Variants in HEBP2 observed in about 807,000 individuals in gnomAD.
HEBP2 encodes the protein heme binding protein 2.
In HEBP2, 27 loss-of-function variants were observed where a neutral mutation model predicts 23.1. The ratio of observed to expected loss-of-function variants is 1.17; its 90% CI spans 0.86 to 1.61. HEBP2 has a LOEUF of 1.61. Ranked by LOEUF, HEBP2 falls within the 40% of genes most tolerant of loss-of-function variation. The pLI is 0.00. For missense variants in HEBP2, 245 were observed against 253.8 expected (o/e 0.97, Z 0.24); for synonymous variants, 99 against 95.1 (o/e 1.04, Z -0.24).
At chr6:138,410,149 A>C (rs1774719926) in intron 3 of HEBP2, among the ~76,000 whole-genome samples, 1 of 152,156 alleles carries the variant, frequency 6.6e-6, no homozygotes. Context: ...TCTTCTAAGT[A>C]ATAGTGGCTT....
rs575629825 is a variant in HEBP2, at chr6:138,404,246, G to A, written c.-250G>A. On this transcript the variant is annotated 5_prime_UTR_variant, in exon 1 of 4. Coordinates refer to ENST00000607197, the MANE Select transcript of HEBP2 (RefSeq NM_014320.3). ...CTCCCTGTCGCCGCGGAGGGGCGGG[G>A]GCAGGACGCGCAACTCCGGCCGGAG... 3.1e-6 allele frequency: 1 copy of A among 319,240 alleles called. No individual in the cohort carries two copies. Among genetic ancestry groups the A allele is most frequent in the South Asian group, 1.6e-4 (1 of 6,354 alleles). The allele number at this position is 319,240 out of a possible 1,614,324, so 19.8% of individuals were successfully genotyped here.
intron 1 of HEBP2, 132 bp downstream of exon 1, chr6:138,404,729 C>T (rs920207481): frequency 3.7e-6 from 2 of 536,510 alleles, no homozygotes; most frequent in Non-Finnish European, 5.8e-6. Context: ...CACTATGCTA[C>T]GCAAACGAGA....
At position 138,416,904 on chromosome 6, in the gene HEBP2, T is replaced by C. The variant is rs1049447965; in HGVS notation, c.*3826T>C. The stretch of plus-strand genomic sequence containing the variant: ...GTTTTCTGACCTAGAGCTCATTAAT[T>C]GCAGAGGTGACTGTATCCTAGGGGA... On this transcript the variant is annotated 3_prime_UTR_variant, in exon 4 of 4. Coordinates refer to ENST00000607197, the MANE Select transcript of HEBP2 (RefSeq NM_014320.3). 2.1e-4 allele frequency: 32 copies of C among 152,200 alleles called. No individual in the cohort carries two copies. Among genetic ancestry groups the C allele is most frequent in the African/African-American group, 6.3e-4 (26 of 41,444 alleles). 9.4% of individuals were successfully genotyped at this position (152,200 alleles called of 1,614,324 possible). A position where few individuals can be genotyped will look rare whatever the true frequency, so the allele number is the denominator to read the frequency against.
At chr6:138,409,271 C>G (rs955932586) in intron 3 of HEBP2, among the ~76,000 whole-genome samples, 8 of 152,210 alleles carry the variant, frequency 5.3e-5, no homozygotes, top group Non-Finnish European at 8.8e-5. Flanking sequence ...TTATCTCAGC[C>G]TCCCAAAGCA....
chr6:138,408,003 C>T (rs975782038), intron 3 of HEBP2, among the ~76,000 whole-genome samples: 1 of 152,204 alleles, frequency 6.6e-6, no homozygotes, highest in Non-Finnish European at 1.5e-5. Flanking sequence ...ATTGTTCTGC[C>T]CTCCCCAGGC....
rs1774913999 is a variant in HEBP2 at position 138,420,865 on chromosome 6, C to G, written c.*7787C>G. On this transcript the variant is annotated 3_prime_UTR_variant, in exon 4 of 4. Coordinates refer to ENST00000607197, the MANE Select transcript of HEBP2 (RefSeq NM_014320.3). ...CTGTCTACTTCTTGAAGAATCTAAA[C>G]TGGCAGTAGGATCATGCCCCTCACT... 1 of 152,340 alleles carries G rather than the reference C, an allele frequency of 6.6e-6. No individual in the cohort carries two copies. The highest frequency in any genetic ancestry group is 2.4e-5 in the African/African-American group (1 of 41,580). 9.4% of individuals were successfully genotyped at this position (152,340 alleles called of 1,614,324 possible). A position where few individuals can be genotyped will look rare whatever the true frequency, so the allele number is the denominator to read the frequency against.
chr6:138,413,335 A>G lies in HEBP2; in HGVS notation c.*257A>G. Reference sequence around the variant, plus strand: ...TTCTGTGAGGATCTAGGGAAATTTCATGTCACTTCCCTCCTTCACTGCATC... The same window carrying G: ...TTCTGTGAGGATCTAGGGAAATTTCGTGTCACTTCCCTCCTTCACTGCATC... On this transcript the variant is annotated 3_prime_UTR_variant, in exon 4 of 4. Coordinates refer to ENST00000607197, the MANE Select transcript of HEBP2 (RefSeq NM_014320.3). 1 of 358,588 alleles carries G rather than the reference A, an allele frequency of 2.8e-6. No homozygotes were observed. The highest frequency in any genetic ancestry group is 4.6e-5 in the South Asian group (1 of 21,936). The allele number at this position is 358,588 out of a possible 1,614,324, so 22.2% of individuals were successfully genotyped here. A position where few individuals can be genotyped will look rare whatever the true frequency, so the allele number is the denominator to read the frequency against.
At chr6:138,404,049 C>T (rs749473107), upstream of HEBP2, among the ~76,000 whole-genome samples, 1 of 151,918 alleles carries the variant, frequency 6.6e-6, no homozygotes, top group Non-Finnish European at 1.5e-5. Flanking sequence ...GGCTCAGCGC[C>T]CGCGGTTCCC....
Position 138,420,282 on chromosome 6 carries a change from C to G in HEBP2, c.*7204C>G, listed in dbSNP as rs1031130420. 7.2e-5 allele frequency: 11 copies of G among 152,028 alleles called. No individual in the cohort carries two copies. The highest frequency in any genetic ancestry group is 6.6e-4 in the Admixed American group (10 of 15,252). The allele number at this position is 152,028 out of a possible 1,614,324, so 9.4% of individuals were successfully genotyped here. On this transcript the variant is annotated 3_prime_UTR_variant, in exon 4 of 4. Transcript: ENST00000607197. ...ATGAGGACCAGTTGTGGTTCCAAAACCATTTGCAGGAAGGTGCTATAGTTG... is the reference window on the plus strand; with the variant it reads ...ATGAGGACCAGTTGTGGTTCCAAAAGCATTTGCAGGAAGGTGCTATAGTTG...
chr6:138,422,104 A>G lies in HEBP2; in HGVS notation c.*9026A>G, dbSNP rs1774957309. The G allele has an allele frequency of 6.6e-6, 1 of 152,268 alleles. No homozygotes were observed. Among genetic ancestry groups the G allele is most frequent in the Non-Finnish European group, 1.5e-5 (1 of 68,046 alleles). 9.4% of individuals were successfully genotyped at this position (152,268 alleles called of 1,614,324 possible). ...TACAAATGTATATTTTTCATTAAAAATGGGGATTTAAAAATAGTTTTATAA... is the reference window on the plus strand; with the variant it reads ...TACAAATGTATATTTTTCATTAAAAGTGGGGATTTAAAAATAGTTTTATAA... On this transcript the variant is annotated 3_prime_UTR_variant, in exon 4 of 4. Coordinates refer to ENST00000607197, the MANE Select transcript of HEBP2 (RefSeq NM_014320.3).
rs1470444782 is a variant in HEBP2, at chr6:138,404,567, C to G, written c.72C>G (p.Gly24=). 3.1e-6 allele frequency: 4 copies of G among 1,306,310 alleles called. No individual in the cohort carries two copies. The highest frequency in any genetic ancestry group is 7.6e-5 in the Admixed American group (2 of 26,200). 80.9% of individuals were successfully genotyped at this position (1,306,310 alleles called of 1,614,324 possible). The change falls in exon 1 of 4, where the codon GGC becomes GGG. Residue 24 remains glycine (G), a synonymous_variant. Coordinates refer to ENST00000607197, the MANE Select transcript of HEBP2 (RefSeq NM_014320.3). Reference sequence around the variant, plus strand: ...CGGCCCAAGCTGTGGAGACGCCGGGCTGGAAGGCCCCGGAGGACGCCGGCC... The same window carrying G: ...CGGCCCAAGCTGTGGAGACGCCGGGGTGGAAGGCCCCGGAGGACGCCGGCC... ...DAAAQAVETP[G]WKAPEDAGPQ...
chr6:138,415,086 G>A lies in HEBP2; in HGVS notation c.*2008G>A, dbSNP rs1007455151. 2 of 152,068 alleles carry A rather than the reference G, an allele frequency of 1.3e-5. No individual in the cohort carries two copies. The highest frequency in any genetic ancestry group is 2.4e-5 in the African/African-American group (1 of 41,386). 9.4% of individuals were successfully genotyped at this position (152,068 alleles called of 1,614,324 possible). A position where few individuals can be genotyped will look rare whatever the true frequency, so the allele number is the denominator to read the frequency against. On this transcript the variant is annotated 3_prime_UTR_variant, in exon 4 of 4. Coordinates refer to ENST00000607197, the MANE Select transcript of HEBP2 (RefSeq NM_014320.3). The stretch of plus-strand genomic sequence containing the variant: ...AAGTCCTAGTCATTTCTACCAACTC[G>A]AAAGCCCTCTAATAAGCAGTCTCTG...
chr6:138,405,013 C>T, intron 1 of HEBP2, 132 bp from the exon 2 acceptor site: 2 of 953,078 alleles, frequency 2.1e-6, no homozygotes, highest in Non-Finnish European at 3.1e-6. Flanking sequence ...GGACCTCAGG[C>T]CGGACCCCGG....
rs1034606839 is a variant in HEBP2 at position 138,419,847 on chromosome 6, G to C, written c.*6769G>C. On this transcript the variant is annotated 3_prime_UTR_variant, in exon 4 of 4. Coordinates refer to ENST00000607197, the MANE Select transcript of HEBP2 (RefSeq NM_014320.3). ...ACAGCATCAGAAGTCCTAGTTCTCA[G>C]AGACTGTATACCTTCTCTAGGCAAT... 6.6e-6 allele frequency: 1 copy of C among 152,200 alleles called. No individual in the cohort carries two copies. The highest frequency in any genetic ancestry group is 1.9e-4 in the East Asian group (1 of 5,192). 9.4% of individuals were successfully genotyped at this position (152,200 alleles called of 1,614,324 possible).
At chr6:138,404,692 G>GT (rs927554796) in intron 1 of HEBP2, 95 bp downstream of exon 1, 8 of 786,204 alleles carry the variant, frequency 1.0e-5, no homozygotes, top group Admixed American at 4.3e-5. Context: ...AAAAAGTACA[G>GT]TTTTTTAAAT....
rs1326232345 is a variant in HEBP2, at chr6:138,405,168, C to T, written c.126C>T (p.His42=). Residue 42 remains histidine (H), a synonymous_variant, in exon 2 of 4, where the codon CAC becomes CAT. Transcript: ENST00000607197. ...AGCCCGGAAGTTATGAGATCCGACACTATGGACCAGCCAAGTGGGTCAGCA... is the reference window on the plus strand; with the variant it reads ...AGCCCGGAAGTTATGAGATCCGACATTATGGACCAGCCAAGTGGGTCAGCA... ...GPQPGSYEIR[H]YGPAKWVSTS... The T allele has an allele frequency of 1.2e-6, 2 of 1,613,818 alleles. No individual in the cohort carries two copies. Among genetic ancestry groups the T allele is most frequent in the South Asian group, 2.2e-5 (2 of 90,980 alleles).
In HEBP2 at chr6:138,421,145, C is replaced by T. The variant is rs1291043942; in HGVS notation, c.*8067C>T. 1 of 152,150 alleles carries T rather than the reference C, an allele frequency of 6.6e-6. No individual in the cohort carries two copies. Among genetic ancestry groups the T allele is most frequent in the Non-Finnish European group, 1.5e-5 (1 of 68,054 alleles). 9.4% of individuals were successfully genotyped at this position (152,150 alleles called of 1,614,324 possible). A position where few individuals can be genotyped will look rare whatever the true frequency, so the allele number is the denominator to read the frequency against. On this transcript the variant is annotated 3_prime_UTR_variant, in exon 4 of 4. Transcript: ENST00000607197. ...TCAGGTCCATGTTTCATTCAAATGA[C>T]CCTCCATTCCCCCAACAACATCCTC...
chr6:138,410,936 G>A (rs936970278), intron 3 of HEBP2, among the ~76,000 whole-genome samples: 3 of 152,192 alleles, frequency 2.0e-5, no homozygotes, highest in Non-Finnish European at 4.4e-5. Context: ...AAAGGGAACT[G>A]CATGCCAGGA....
chr6:138,413,073 G>T lies in HEBP2; in HGVS notation c.613G>T (p.Glu205Ter). ...AAAAAATGAACCCACCAAAGAAAAC[G>T]AATGAGAAAAATGAAAGGAAGTTCT... is the stretch of plus-strand genomic sequence containing the variant. ...IQKNEPTKEN[E>*] The change falls in exon 4 of 4, where the codon GAA (glutamate) becomes TAA (stop). Residue 205 changes from glutamate to a stop codon, truncating the protein, a stop_gained. Transcript: ENST00000607197. LOFTEE classifies it high-confidence loss of function. The T allele has an allele frequency of 6.2e-7, 1 of 1,611,022 alleles. No homozygotes were observed. The highest frequency in any genetic ancestry group is 1.1e-5 in the South Asian group (1 of 90,256).
Sources: gnomAD v4.1 joint callset for allele counts (sites outside exome capture counted in the v4.1 genomes callset) on GRCh38, gnomAD v4.1.1 for gene constraint, MANE v1.5 for transcripts, NCBI Gene and HGNC (gene_info 2026-07-23, HGNC 2026-07-21) for gene names.